The following JAK1 variants were observed in gnomAD, a reference collection of about 807,000 sequenced individuals.
JAK1 encodes the protein tyrosine-protein kinase JAK1.
Under a neutral mutation model 136.6 loss-of-function variants are expected in JAK1, and 16 were observed. The observed-to-expected ratio is 0.12, with a 90% CI of 0.08 to 0.18. JAK1 has a LOEUF of 0.18. JAK1 is among the 10% of genes least tolerant of loss of function. The pLI is 1.00. For missense variants in JAK1, 859 were observed against 1,450.1 expected (o/e 0.59, Z 6.62); for synonymous variants, 492 against 519.5 (o/e 0.95, Z 0.72).
At chr1:64,963,387 G>A (rs1337471616) in intron 1 of JAK1, among the ~76,000 whole-genome samples, 2 of 151,752 alleles carry the variant, frequency 1.3e-5, no homozygotes, top group Non-Finnish European at 2.9e-5. Context: ...TGTTATGATG[G>A]GAAAAATAAC....
chr1:64,900,745 T>C (rs2101464133), intron 1 of JAK1, among the ~76,000 whole-genome samples: 1 of 152,338 alleles, frequency 6.6e-6, no homozygotes, highest in Non-Finnish European at 1.5e-5. Context: ...TCTGGAAGTA[T>C]CATGCTCTAA....
chr1:65,065,249 G>C (rs948855004), intron 1 of JAK1, among the ~76,000 whole-genome samples: 4 of 152,182 alleles, frequency 2.6e-5, no homozygotes, highest in African/African-American at 9.7e-5. Flanking sequence ...CTCTGGGGAT[G>C]CTCAAATGGG....
intron 2 of JAK1, among the ~76,000 whole-genome samples, chr1:64,982,984 C>G (rs1382281099): frequency 6.6e-6 from 1 of 152,056 alleles, no homozygotes. Flanking sequence ...AACCCCACTG[C>G]TATGTGCATT....
chr1:64,897,376 C>T (rs1040973485), intron 1 of JAK1, among the ~76,000 whole-genome samples: 7 of 148,840 alleles, frequency 4.7e-5, no homozygotes, highest in Non-Finnish European at 8.9e-5. Context: ...TTGCAGTGAG[C>T]TGTGCCACTG....
intron 2 of JAK1, among the ~76,000 whole-genome samples, chr1:64,980,866 T>C (rs944766877): frequency 1.3e-5 from 2 of 152,104 alleles, no homozygotes; most frequent in African/African-American, 4.8e-5. Context: ...AGAATGATGG[T>C]TTCCAGCTTC....
chr1:65,000,087 T>G (rs1305710948), intron 2 of JAK1, among the ~76,000 whole-genome samples: 1 of 151,482 alleles, frequency 6.6e-6, no homozygotes, highest in Non-Finnish European at 1.5e-5. Context: ...GACTCCCTGG[T>G]TCAAGCGATT....
chr1:64,988,616 C>T (rs1646622238), intron 2 of JAK1, among the ~76,000 whole-genome samples: 1 of 152,120 alleles, frequency 6.6e-6, no homozygotes, highest in Non-Finnish European at 1.5e-5. Context: ...GCAGTGGTGG[C>T]TCATGCCTGT....
chr1:65,018,685 A>G (rs1251285426), intron 2 of JAK1, among the ~76,000 whole-genome samples: 4 of 152,238 alleles, frequency 2.6e-5, no homozygotes, highest in African/African-American at 9.6e-5. Flanking sequence ...TTTTAAAAAC[A>G]TGAACATGAT....
At chr1:64,948,433 A>G (rs1231309495) in intron 1 of JAK1, among the ~76,000 whole-genome samples, 2 of 152,256 alleles carry the variant, frequency 1.3e-5, no homozygotes, top group Non-Finnish European at 2.9e-5. Flanking sequence ...GAGGTGCCTG[A>G]GGCAAAATCT....
At chr1:64,985,311 CT>C in intron 2 of JAK1, 1 of 1,610,608 alleles carries the variant, frequency 6.2e-7, no homozygotes, top group South Asian at 1.1e-5. Context: ...GCTGGATACT[CT>C]AAAGAGCTCC....
intron 1 of JAK1, among the ~76,000 whole-genome samples, chr1:64,894,772 G>A (rs553149347): frequency 6.6e-6 from 1 of 151,764 alleles, no homozygotes; most frequent in South Asian, 2.1e-4. Flanking sequence ...GCAAGACTAC[G>A]TCTCAAAAAA....
intron 8 of JAK1, among the ~76,000 whole-genome samples, 157 bp from the exon 9 acceptor site, chr1:64,860,419 C>T (rs2780826): frequency 0.058 from 4,285 of 73,774 alleles, 84 homozygotes; most frequent in East Asian, 0.088. Flanking sequence ...CCCTTGCATG[C>T]ATTTATTTAT....
intron 3 of JAK1, among the ~76,000 whole-genome samples, chr1:64,881,146 T>C (rs947896404): frequency 6.6e-6 from 1 of 151,506 alleles, no homozygotes; most frequent in African/African-American, 2.4e-5. Context: ...CCTGTAGTCA[T>C]AGTTACTTGG....
At chr1:64,914,791 T>C (rs1363962615) in intron 1 of JAK1, among the ~76,000 whole-genome samples, 1 of 152,172 alleles carries the variant, frequency 6.6e-6, no homozygotes, top group Non-Finnish European at 1.5e-5. Context: ...CTTGAACTCC[T>C]GACCTCAAGT....
upstream of JAK1, among the ~76,000 whole-genome samples, chr1:64,966,677 ACT>A (rs1646389650): frequency 7.0e-6 from 1 of 142,464 alleles, no homozygotes; most frequent in African/African-American, 2.6e-5. Context: ...CCCGGCGGAG[ACT>A]CTGCGCCTCC....
intron 2 of JAK1, 102 bp from the exon 3 acceptor site, chr1:64,883,577 G>T: frequency 1.1e-6 from 1 of 942,958 alleles, no homozygotes; most frequent in Non-Finnish European, 1.6e-6. Flanking sequence ...AACATTTGGT[G>T]TTGGTATTGG....
At chr1:65,060,873 A>C (rs1448144476) in intron 1 of JAK1, among the ~76,000 whole-genome samples, 1 of 152,216 alleles carries the variant, frequency 6.6e-6, no homozygotes, top group Non-Finnish European at 1.5e-5. Context: ...CTAAGAACTG[A>C]ACTGTCTAAA....
At chr1:65,051,881 C>A (rs987458469) in intron 1 of JAK1, among the ~76,000 whole-genome samples, 6 of 152,174 alleles carry the variant, frequency 3.9e-5, no homozygotes, top group Admixed American at 2.6e-4. Flanking sequence ...AACATATTTA[C>A]ATTAGAAGCA....
intron 10 of JAK1, among the ~76,000 whole-genome samples, chr1:64,857,418 T>C (rs1656009292): frequency 6.6e-6 from 1 of 152,194 alleles, no homozygotes; most frequent in Non-Finnish European, 1.5e-5. Flanking sequence ...ACCCCCACCA[T>C]GGGTCCCATG....
Sources: allele counts gnomAD v4.1 joint callset (sites outside exome capture counted in the v4.1 genomes callset), GRCh38; gene constraint gnomAD v4.1.1; transcripts MANE v1.5; gene names NCBI Gene and HGNC (gene_info 2026-07-23, HGNC 2026-07-21).